The following HERC3 variants were observed in gnomAD, a reference collection of about 807,000 sequenced individuals.
The protein encoded by HERC3 is probable E3 ubiquitin-protein ligase HERC3.
Under a neutral mutation model 129.9 loss-of-function variants are expected in HERC3, and 58 were observed. The observed-to-expected ratio is 0.45, with a 90% CI of 0.36 to 0.56. The LOEUF is 0.56. Among genes scored for constraint, HERC3 ranks in the 20% least tolerant of loss-of-function variants. The probability of loss-of-function intolerance (pLI) is 0.00; values close to 1 mark genes in which losing one functional copy is unlikely to be tolerated. For synonymous variants in HERC3, 430 were observed against 451.0 expected, an observed-to-expected ratio of 0.95 and a Z score of 0.59; for missense variants, 835 against 1,244.2, an observed-to-expected ratio of 0.67 and a Z score of 4.95.
Position 88,654,045 on chromosome 4 carries a change from G to A in HERC3, c.689G>A (p.Arg230Gln). 1 of 1,606,456 alleles carries A rather than the reference G, an allele frequency of 6.2e-7. No homozygotes were observed. Among genetic ancestry groups the A allele is most frequent in the East Asian group, 2.2e-5 (1 of 44,788 alleles). The change falls in exon 7 of 26, where the codon CGA becomes CAA. Residue 230 changes from arginine to glutamine, a missense_variant. By Grantham distance (43) the Arg-to-Gln change is conservative. Transcript: ENST00000402738. ...TCTGATATTTAATTTATTCTAGATC[G>A]AGAATCTCCATGCCATGTAAAACTC... is the stretch of plus-strand genomic sequence containing the variant. The part of the protein sequence containing the change: ...GQLGLSDEKD[R>Q]ESPCHVKLLR...
chr4:88,675,009 C>A (rs889438685), intron 16 of HERC3, among the ~76,000 whole-genome samples: 12 of 152,140 alleles, frequency 7.9e-5, no homozygotes, highest in Non-Finnish European at 1.5e-5. Flanking sequence ...AAAACCAAAC[C>A]AAATTTATAA....
At chr4:88,605,761 A>T in intron 2 of HERC3, 34 bp from the exon 3 acceptor site, 1 of 1,297,762 alleles carries the variant, frequency 7.7e-7, no homozygotes, top group Non-Finnish European at 1.1e-6. Context: ...ATTTCTTTTT[A>T]ATTAAAAAAT....
intron 3 of HERC3, among the ~76,000 whole-genome samples, chr4:88,617,381 AC>A (rs1225228609): frequency 6.6e-6 from 1 of 152,122 alleles, no homozygotes; most frequent in East Asian, 1.9e-4. Context: ...ACAAAAACAA[AC>A]AAAATCCCCA....
the HERC3 span, among the ~76,000 whole-genome samples, chr4:88,540,320 T>C: frequency 6.6e-6 from 1 of 152,148 alleles, no homozygotes; most frequent in South Asian, 2.1e-4. Context: ...CAATAGCCAA[T>C]TTGATCAAGT....
In HERC3 at chr4:88,708,211, A is replaced by G. The variant is rs1225327415; in HGVS notation, c.*1251A>G. The G allele has an allele frequency of 6.6e-6, 1 of 152,650 alleles. No individual in the cohort carries two copies. Among genetic ancestry groups the G allele is most frequent in the Non-Finnish European group, 1.5e-5 (1 of 68,048 alleles). 9.5% of individuals were successfully genotyped at this position (152,650 alleles called of 1,614,324 possible). On this transcript the variant is annotated 3_prime_UTR_variant, in exon 26 of 26. Transcript: ENST00000402738. ...TATTTTAAAAATAATGACATGCTCAACCTTCCTCATCATGGAGTAAGAAAA... is the reference window on the plus strand; with the variant it reads ...TATTTTAAAAATAATGACATGCTCAGCCTTCCTCATCATGGAGTAAGAAAA...
chr4:88,698,687 G>A (rs1413931671), intron 23 of HERC3, among the ~76,000 whole-genome samples: 3 of 149,342 alleles, frequency 2.0e-5, no homozygotes, highest in South Asian at 2.1e-4. Flanking sequence ...CCCCAACACC[G>A]TCTGCTTCCC....
intron 19 of HERC3, among the ~76,000 whole-genome samples, chr4:88,679,476 C>T (rs1732522739): frequency 6.7e-6 from 1 of 149,874 alleles, no homozygotes; most frequent in Non-Finnish European, 1.5e-5. Flanking sequence ...AAAGTATTCT[C>T]TGCTTCTTTT....
chr4:88,585,025 G>A, the HERC3 span, among the ~76,000 whole-genome samples: 1 of 152,218 alleles, frequency 6.6e-6, no homozygotes, highest in Non-Finnish European at 1.5e-5. Flanking sequence ...AGGGTGAGAA[G>A]TTCAAGATCA....
At chr4:88,706,419 C>T (rs1735784785) in intron 25 of HERC3, among the ~76,000 whole-genome samples, 1 of 152,194 alleles carries the variant, frequency 6.6e-6, no homozygotes, top group Admixed American at 6.5e-5. Context: ...AGGCATCAGG[C>T]ACTTGAGGTG....
chr4:88,558,567 A>C, the HERC3 span, among the ~76,000 whole-genome samples: 1 of 152,208 alleles, frequency 6.6e-6, no homozygotes, highest in Non-Finnish European at 1.5e-5. Flanking sequence ...TATTTGGGTG[A>C]TGGGTGCACT....
chr4:88,670,168 T>C lies in HERC3; in HGVS notation c.1827T>C (p.Tyr609=). ...ATCTTAAAGTGAAGCATGTGGAATA[T>C]GATACATTTTACATTCCTGAGATTT... ...KVNLKVKHVE[Y]DTFYIPEISN... is the part of the protein sequence containing the mutation. The change falls in exon 16 of 26, where the codon TAT becomes TAC. Residue 609 remains tyrosine, a synonymous_variant. Transcript: ENST00000402738. 1.2e-6 allele frequency: 2 copies of C among 1,613,536 alleles called. No homozygotes were observed. The highest frequency in any genetic ancestry group is 1.7e-6 in the Non-Finnish European group (2 of 1,179,496).
chr4:88,658,147 GA>G (rs1429536602), intron 9 of HERC3: 3 of 267,298 alleles, frequency 1.1e-5, no homozygotes, highest in East Asian at 1.3e-4. Flanking sequence ...GAGTTAGAAT[GA>G]AAAAGAGAAA....
chr4:88,633,597 C>T (rs527722815), intron 3 of HERC3, among the ~76,000 whole-genome samples: 1 of 151,668 alleles, frequency 6.6e-6, no homozygotes, highest in African/African-American at 2.4e-5. Flanking sequence ...TTATTTAACA[C>T]AAAAGAAGGC....
At chr4:88,623,555 C>T (rs1016996935) in intron 3 of HERC3, among the ~76,000 whole-genome samples, 3 of 152,214 alleles carry the variant, frequency 2.0e-5, no homozygotes, top group South Asian at 4.1e-4. Flanking sequence ...GTCTCCCACT[C>T]GCAGTCTGGG....
chr4:88,591,448 C>T (rs1721703445), upstream of HERC3, among the ~76,000 whole-genome samples: 1 of 152,146 alleles, frequency 6.6e-6, no homozygotes, highest in East Asian at 1.9e-4. Flanking sequence ...GATTGCAGAC[C>T]TGAGGTGATT....
At chr4:88,524,807 A>T in the HERC3 span, 1 of 151,902 alleles carries the variant, frequency 6.6e-6, no homozygotes. Context: ...TTAGTCATCC[A>T]TTTTTTCCCT....
Position 88,649,918 on chromosome 4 carries a change from G to A in HERC3, c.305G>A (p.Arg102Gln), listed in dbSNP as rs141601603. The A allele has an allele frequency of 3.1e-5, 50 of 1,614,048 alleles. No individual in the cohort carries two copies. In the East Asian group the frequency reaches 9.1e-4, roughly 29 times the overall value. ...GESHSLALSD[R>Q]GQLFSWGAGS... ...TCCCACAGTCTGGCCCTCAGTGACCGAGGCCAGCTGTTTTCTTGGGGTGCA... is the reference window on the plus strand; with the variant it reads ...TCCCACAGTCTGGCCCTCAGTGACCAAGGCCAGCTGTTTTCTTGGGGTGCA... The change falls in exon 4 of 26, where the codon CGA (arginine) becomes CAA (glutamine). Residue 102 changes from arginine (R) to glutamine (Q), a missense_variant. By Grantham distance (43) the Arg-to-Gln change is conservative (BLOSUM62 1). Coordinates refer to ENST00000402738, the MANE Select transcript of HERC3 (RefSeq NM_014606.3).
chr4:88,704,075 T>C, intron 23 of HERC3, 23 bp from the exon 24 acceptor site: 1 of 1,606,364 alleles, frequency 6.2e-7, no homozygotes, highest in Non-Finnish European at 8.5e-7. Context: ...GAGCTAAATG[T>C]ATTTTCTTTT....
the HERC3 span, among the ~76,000 whole-genome samples, chr4:88,573,416 C>T: frequency 6.6e-6 from 1 of 152,156 alleles, no homozygotes; most frequent in Non-Finnish European, 1.5e-5. Context: ...CACAACATAA[C>T]CATTTATTTA....
Sources: gnomAD v4.1 joint callset for allele counts (sites outside exome capture counted in the v4.1 genomes callset) on GRCh38, gnomAD v4.1.1 for gene constraint, MANE v1.5 for transcripts, NCBI Gene and HGNC (gene_info 2026-07-23, HGNC 2026-07-21) for gene names.